Variants in LHX2 observed in about 807,000 individuals in gnomAD.
The protein encoded by LHX2 is LIM homeobox 2.
A neutral mutation model predicts 33.0 loss-of-function variants in LHX2; 6 were observed. The observed-to-expected ratio is 0.18, with a 90% CI of 0.10 to 0.36. The LOEUF (loss-of-function observed/expected upper bound fraction) is 0.36, where lower values mean the gene tolerates loss of function less well. Among genes scored for constraint, LHX2 ranks in the 10% least tolerant of loss-of-function variants. LHX2 has a pLI of 1.00. For synonymous variants in LHX2, 292 were observed against 253.1 expected (o/e 1.15, Z -1.46); for missense variants, 442 against 586.2 (o/e 0.75, Z 2.54).
chr9:124,016,145 G>T lies in LHX2; in HGVS notation c.727+620G>T, dbSNP rs1465492554. On this transcript the variant is annotated intron_variant, in intron 3 of 4. Transcript: ENST00000373615. The surrounding 1 kb of genome is among the most constrained non-coding windows in gnomAD (Gnocchi z 4.4). ...GACTTTTTCCTCCGAGTTTCCTGGC[G>T]CCTGCTGGGGTGAGGGCCGTGACCC... Among the ~76,000 whole-genome samples, 2 of 151,818 alleles carry T rather than the reference G, an allele frequency of 1.3e-5. No homozygotes were observed. Among genetic ancestry groups the T allele is most frequent in the Non-Finnish European group, 2.9e-5 (2 of 67,972 alleles).
rs2118746653 is a variant in LHX2 at position 124,014,324 on chromosome 9, G to A, written c.323+161G>A. Among the ~76,000 whole-genome samples, 1 of 151,818 alleles carries A rather than the reference G, an allele frequency of 6.6e-6. No homozygotes were observed. The highest frequency in any genetic ancestry group is 1.5e-5 in the Non-Finnish European group (1 of 67,980). On this transcript the variant is annotated intron_variant, in intron 2 of 4. Transcript: ENST00000373615. The surrounding 1 kb of genome is among the most constrained non-coding windows in gnomAD (Gnocchi z 4.8). ...TTCTCCAAGCCACCACAAGTTGGGT[G>A]ATAACCTTTTAAAGCAGCAATTTGG...
chr9:124,019,847 G>A (rs770735317), intron 3 of LHX2, among the ~76,000 whole-genome samples: 103 of 152,192 alleles, frequency 6.8e-4, no homozygotes, highest in Non-Finnish European at 1.3e-3. Flanking sequence ...GGCATGGCTC[G>A]GGAGGTGCCA....
intron 4 of LHX2, among the ~76,000 whole-genome samples, chr9:124,024,456 T>C (rs1828572946): frequency 6.6e-6 from 1 of 152,208 alleles, no homozygotes; most frequent in African/African-American, 2.4e-5. Context: ...GTAGTATGCC[T>C]TTGAAAGGTA....
In LHX2 at chr9:124,021,208, G is replaced by T; in HGVS notation, c.837G>T (p.Arg279=). The T allele has an allele frequency of 3.1e-6, 5 of 1,614,224 alleles. No individual in the cohort carries two copies. Among genetic ancestry groups the T allele is most frequent in the Non-Finnish European group, 3.4e-6 (4 of 1,180,044 alleles). The change falls in exon 4 of 5, where the codon CGG becomes CGT. Residue 279 remains arginine, a synonymous_variant. Transcript: ENST00000373615. ...CGTCCTTCAAGCACCACCAGCTTCG[G>T]ACCATGAAGTCTTACTTTGCCATTA... The part of the protein sequence containing the change: ...MRTSFKHHQL[R]TMKSYFAINH...
chr9:124,013,878 A>T, intron 1 of LHX2, 83 bp from the exon 2 acceptor site: 1 of 1,271,418 alleles, frequency 7.9e-7, no homozygotes, highest in Non-Finnish European at 1.1e-6. Context: ...CCACAGAGGG[A>T]GTTGTGGGTG....
rs1828717068 is a variant in LHX2, at chr9:124,032,590, A to G, written c.1104A>G (p.Thr368=). The part of the protein sequence containing the change: ...LSPSSTPTTL[T]DLTSPTLPTV... ...CCTCCAGCACGCCCACCACCCTGAC[A>G]GACTTGACTAGCCCCACCCTGCCAA... Residue 368 remains threonine, a synonymous_variant, in exon 5 of 5, where the codon ACA becomes ACG. Transcript: ENST00000373615. The surrounding 1 kb of genome is among the most constrained non-coding windows in gnomAD (Gnocchi z 4.1). 6.2e-7 allele frequency: 1 copy of G among 1,614,030 alleles called. No homozygotes were observed. Among genetic ancestry groups the G allele is most frequent in the South Asian group, 1.1e-5 (1 of 91,078 alleles).
intron 3 of LHX2, among the ~76,000 whole-genome samples, chr9:124,017,228 TTCTC>T (rs1226494552): frequency 6.6e-6 from 1 of 152,134 alleles, no homozygotes; most frequent in Non-Finnish European, 1.5e-5. Context: ...TCTCCGTCCT[TTCTC>T]TCTATCTCTG....
chr9:124,019,017 G>A (rs1859246273), intron 3 of LHX2, among the ~76,000 whole-genome samples: 2 of 152,238 alleles, frequency 1.3e-5, no homozygotes, highest in African/African-American at 4.8e-5. Flanking sequence ...ATACCCCGTA[G>A]GGAGGCTGCC....
chr9:124,032,798 A>C lies in LHX2; in HGVS notation c.*91A>C. The C allele has an allele frequency of 1.5e-6, 2 of 1,356,612 alleles. No homozygotes were observed. The highest frequency in any genetic ancestry group is 2.0e-6 in the Non-Finnish European group (2 of 997,894). 84.0% of individuals were successfully genotyped at this position (1,356,612 alleles called of 1,614,324 possible). A position where few individuals can be genotyped will look rare whatever the true frequency, so the allele number is the denominator to read the frequency against. ...GTATTTTAAAATAGAGGCTTTGAGC[A>C]ACTAACTAACCACATTTTAGGATCT... On this transcript the variant is annotated 3_prime_UTR_variant, in exon 5 of 5. Coordinates refer to ENST00000373615, the MANE Select transcript of LHX2 (RefSeq NM_004789.4). The surrounding 1 kb of genome is among the most constrained non-coding windows in gnomAD (Gnocchi z 4.1).
At chr9:124,030,908 C>CG (rs904384471) in intron 4 of LHX2, among the ~76,000 whole-genome samples, 2 of 152,098 alleles carry the variant, frequency 1.3e-5, no homozygotes, top group African/African-American at 4.8e-5. Context: ...GCTGGGATTA[C>CG]GGGCTTGAGC....
intron 4 of LHX2, among the ~76,000 whole-genome samples, chr9:124,024,419 T>G (rs1253774482): frequency 1.3e-5 from 2 of 152,160 alleles, no homozygotes; most frequent in Non-Finnish European, 2.9e-5. Flanking sequence ...CTGGCAGACA[T>G]GGGATGGGAA....
intron 4 of LHX2, among the ~76,000 whole-genome samples, chr9:124,029,166 T>G (rs532255524): frequency 6.6e-6 from 1 of 152,246 alleles, no homozygotes; most frequent in African/African-American, 2.4e-5. Flanking sequence ...AAAATGGGAA[T>G]AATAATAGTC....
rs960904000 is a variant in LHX2, at chr9:124,018,577, C to T, written c.728-2522C>T. 3.3e-5 allele frequency among the ~76,000 whole-genome samples: 5 copies of T among 152,338 alleles called. No individual in the cohort carries two copies. The East Asian group carries it at 9.7e-4, about 29-fold the overall frequency. Reference sequence around the variant, plus strand: ...AATAACGGCTTCGGAAAAGGCCTCCCCCGCAGGGACCGGGTCTCCCGGAGC... The same window carrying T: ...AATAACGGCTTCGGAAAAGGCCTCCTCCGCAGGGACCGGGTCTCCCGGAGC... On this transcript the variant is annotated intron_variant, in intron 3 of 4. Transcript: ENST00000373615.
intron 4 of LHX2, among the ~76,000 whole-genome samples, chr9:124,028,059 TGAA>T (rs1217779973): frequency 3.3e-5 from 5 of 152,232 alleles, no homozygotes; most frequent in African/African-American, 1.2e-4. Context: ...ATGATGGGCA[TGAA>T]GCTTTCATCT....
Position 124,016,840 on chromosome 9 carries a change from C to T in LHX2, c.727+1315C>T, listed in dbSNP as rs976001990. Among the ~76,000 whole-genome samples the T allele has an allele frequency of 2.6e-5, 4 of 152,142 alleles. No homozygotes were observed. The highest frequency in any genetic ancestry group is 9.7e-5 in the African/African-American group (4 of 41,410). The stretch of plus-strand genomic sequence containing the variant: ...GTAGCTCTCTGGAACTTCCATCCCT[C>T]CTCTCCTACCACCCCCCAAAAAAAG... On this transcript the variant is annotated intron_variant, in intron 3 of 4. Coordinates refer to ENST00000373615, the MANE Select transcript of LHX2 (RefSeq NM_004789.4). This position sits in a 1 kb window ranked among gnomAD's most constrained non-coding sequence, Gnocchi z 4.4.
In LHX2 at chr9:124,012,823, C is replaced by A. The variant is rs1859116702; in HGVS notation, c.120+355C>A. On this transcript the variant is annotated intron_variant, in intron 1 of 4. Coordinates refer to ENST00000373615, the MANE Select transcript of LHX2 (RefSeq NM_004789.4). This position sits in a 1 kb window ranked among gnomAD's most constrained non-coding sequence, Gnocchi z 4.3. ...TCCACCTCTCGGCTCCGGTTGCTGG[C>A]GGCGCCGCGAGCGGCGCCAGGGAAG... 5.3e-5 allele frequency among the ~76,000 whole-genome samples: 8 copies of A among 152,186 alleles called. No homozygotes were observed. The highest frequency in any genetic ancestry group is 4.4e-5 in the Non-Finnish European group (3 of 68,022).
At chr9:124,030,469 C>G (rs1303203425) in intron 4 of LHX2, among the ~76,000 whole-genome samples, 1 of 152,174 alleles carries the variant, frequency 6.6e-6, no homozygotes, top group Non-Finnish European at 1.5e-5. Flanking sequence ...AGGACTTTTT[C>G]CTTGGAAGGT....
chr9:124,013,284 T>C (rs1195616007), intron 1 of LHX2, among the ~76,000 whole-genome samples: 2 of 152,242 alleles, frequency 1.3e-5, no homozygotes, highest in African/African-American at 2.4e-5. Context: ...TGAGCGCTTC[T>C]TCGGTTAGAC....
chr9:124,015,173 G>T lies in LHX2; in HGVS notation c.375G>T (p.Ser125=). The T allele has an allele frequency of 6.2e-7, 1 of 1,614,036 alleles. No homozygotes were observed. The highest frequency in any genetic ancestry group is 1.1e-5 in the South Asian group (1 of 91,084). The change falls in exon 3 of 5, where the codon TCG becomes TCT. Residue 125 remains serine, a synonymous_variant. Coordinates refer to ENST00000373615, the MANE Select transcript of LHX2 (RefSeq NM_004789.4). The surrounding 1 kb of genome is among the most constrained non-coding windows in gnomAD (Gnocchi z 7.9). The part of the protein sequence containing the change: ...CARCHLGISA[S]EMVMRARDLV... ...GCTGCCACCTGGGCATCTCGGCCTC[G>T]GAGATGGTGATGCGCGCTCGGGACT...
Sources: gnomAD v4.1 joint callset for allele counts (sites outside exome capture counted in the v4.1 genomes callset) on GRCh38, gnomAD v4.1.1 for gene constraint, Gnocchi (gnomAD v3.1) non-coding constraint, MANE v1.5 for transcripts, NCBI Gene and HGNC (gene_info 2026-07-23, HGNC 2026-07-21) for gene names.